BMERB1: variants seen among roughly 807,000 people sequenced by gnomAD.
BMERB1 encodes bMERB domain containing 1.
BMERB1 carries 12 observed loss-of-function variants against 23.6 expected under a neutral mutation model. The observed-to-expected ratio is 0.51, with a 90% CI of 0.33 to 0.82. BMERB1 has a LOEUF of 0.82. Among genes scored for constraint, BMERB1 ranks in the 40% least tolerant of loss-of-function variants. BMERB1 has a pLI of 0.03. For synonymous variants in BMERB1, 122 were observed against 96.6 expected (o/e 1.26, Z -1.54); for missense variants, 247 against 255.4 (o/e 0.97, Z 0.22).
intron 2 of BMERB1, among the ~76,000 whole-genome samples, chr16:15,548,266 T>C (rs2150965171): frequency 6.6e-6 from 1 of 152,316 alleles, no homozygotes; most frequent in African/African-American, 2.4e-5. Context: ...ATTACAGGTG[T>C]AAGCCACTGC....
intron 5 of BMERB1, chr16:15,584,020 G>A (rs1596405668): frequency 4.3e-6 from 3 of 702,314 alleles, no homozygotes; most frequent in Admixed American, 4.0e-5. Context: ...TGGAATCTCT[G>A]GAGAAGCCAG....
rs573543185 is a variant in BMERB1 at position 15,578,061 on chromosome 16, TG to T, written c.305-3149del. 7.9e-5 allele frequency among the ~76,000 whole-genome samples: 12 copies of T among 152,302 alleles called. No individual in the cohort carries two copies. In the East Asian group the frequency reaches 2.3e-3, roughly 29 times the overall value. ...CACCTGATGGTTGCCTGGCATTCCT[TG>T]GGGGGGAAATCCCCTCTCCTTTCTT... On this transcript the variant is annotated intron_variant, in intron 3 of 5. Coordinates refer to ENST00000300006, the MANE Select transcript of BMERB1 (RefSeq NM_033201.3).
At chr16:15,533,914 G>A (rs990974676) in intron 2 of BMERB1, among the ~76,000 whole-genome samples, 2 of 151,946 alleles carry the variant, frequency 1.3e-5, no homozygotes, top group African/African-American at 2.4e-5. Flanking sequence ...TGTTGCCACC[G>A]CCTAGGGAAA....
chr16:15,530,609 G>A (rs73499144), intron 2 of BMERB1, among the ~76,000 whole-genome samples: 7,119 of 152,032 alleles, frequency 0.047, 532 homozygotes, highest in African/African-American at 0.15. Flanking sequence ...GACATAGTTC[G>A]GCTGTGTCCC....
chr16:15,460,304 G>A (rs984132326), intron 1 of BMERB1, among the ~76,000 whole-genome samples: 2 of 152,114 alleles, frequency 1.3e-5, no homozygotes, highest in African/African-American at 4.8e-5. Context: ...GGGTACGTAG[G>A]TAGGGACTCG....
chr16:15,537,003 C>T (rs1030614892), intron 2 of BMERB1: 33 of 152,320 alleles, frequency 2.2e-4, no homozygotes, highest in African/African-American at 7.9e-4. Flanking sequence ...TCTCTCTCCC[C>T]TGTAGCCTAG....
chr16:15,439,485 C>T (rs1341153385), intron 1 of BMERB1, among the ~76,000 whole-genome samples: 3 of 152,220 alleles, frequency 2.0e-5, no homozygotes, highest in Non-Finnish European at 2.9e-5. Flanking sequence ...TTATCCCAAA[C>T]TCACCAGTTA....
At chr16:15,560,364 G>A (rs932551012) in intron 2 of BMERB1, among the ~76,000 whole-genome samples, 3 of 152,234 alleles carry the variant, frequency 2.0e-5, no homozygotes, top group African/African-American at 7.2e-5. Flanking sequence ...AACCCTCGGA[G>A]TAGAAGTGGC....
intron 1 of BMERB1, among the ~76,000 whole-genome samples, chr16:15,447,010 C>A (rs1388458161): frequency 6.6e-6 from 1 of 152,192 alleles, no homozygotes; most frequent in African/African-American, 2.4e-5. Flanking sequence ...AGCAGGAGCT[C>A]TGCCTGCATT....
chr16:15,468,126 TTTC>T (rs368345535), intron 1 of BMERB1, among the ~76,000 whole-genome samples: 3 of 98,654 alleles, frequency 3.0e-5, no homozygotes, highest in East Asian at 5.6e-4. Flanking sequence ...TCTTTCTTTC[TTTC>T]TTCTTCTTTT....
At chr16:15,456,005 T>G (rs1193028861) in intron 1 of BMERB1, among the ~76,000 whole-genome samples, 1 of 152,200 alleles carries the variant, frequency 6.6e-6, no homozygotes, top group Non-Finnish European at 1.5e-5. Flanking sequence ...TGAAGTAATT[T>G]GGTGGTATTC....
At chr16:15,440,211 T>A (rs2050927678) in intron 1 of BMERB1, among the ~76,000 whole-genome samples, 1 of 135,808 alleles carries the variant, frequency 7.4e-6, no homozygotes, top group Admixed American at 8.3e-5. Context: ...GACGGCTGCA[T>A]TCCAGCCTGG....
At chr16:15,579,246 G>T (rs1037318910) in intron 3 of BMERB1, among the ~76,000 whole-genome samples, 10 of 152,172 alleles carry the variant, frequency 6.6e-5, no homozygotes, top group African/African-American at 2.4e-4. Context: ...GTCCTGGTGA[G>T]TCGATGGGTG....
At chr16:15,438,420 C>G (rs766348182) in intron 1 of BMERB1, among the ~76,000 whole-genome samples, 3 of 150,532 alleles carry the variant, frequency 2.0e-5, no homozygotes, top group Non-Finnish European at 4.4e-5. Flanking sequence ...GATCCAGAGT[C>G]TAACTTTTGA....
intron 1 of BMERB1, among the ~76,000 whole-genome samples, chr16:15,500,793 A>C (rs2051519843): frequency 6.6e-6 from 1 of 152,142 alleles, no homozygotes; most frequent in Admixed American, 6.5e-5. Flanking sequence ...CTGGGATGAC[A>C]GGCACGTGCC....
At chr16:15,441,814 G>A (rs1025566143) in intron 1 of BMERB1, among the ~76,000 whole-genome samples, 3 of 152,134 alleles carry the variant, frequency 2.0e-5, no homozygotes, top group East Asian at 1.9e-4. Flanking sequence ...GAGCCACTGC[G>A]CCCAGCCTGG....
chr16:15,485,174 G>A (rs2051357365), intron 1 of BMERB1, among the ~76,000 whole-genome samples: 1 of 152,208 alleles, frequency 6.6e-6, no homozygotes, highest in South Asian at 2.1e-4. Flanking sequence ...ACCATGGTGG[G>A]GGAGAGGGGA....
intron 2 of BMERB1, among the ~76,000 whole-genome samples, chr16:15,552,171 G>A (rs1416833724): frequency 6.6e-6 from 1 of 152,090 alleles, no homozygotes; most frequent in Non-Finnish European, 1.5e-5. Context: ...TGGACGCGGT[G>A]GCTCACACCT....
intron 1 of BMERB1, among the ~76,000 whole-genome samples, chr16:15,509,271 T>C (rs1457035598): frequency 2.1e-5 from 3 of 141,006 alleles, no homozygotes; most frequent in Non-Finnish European, 4.5e-5. Flanking sequence ...ACAAATGCAT[T>C]CAGCCCTCAC....
Sources: allele counts gnomAD v4.1 joint callset (sites outside exome capture counted in the v4.1 genomes callset), GRCh38; gene constraint gnomAD v4.1.1; transcripts MANE v1.5; gene names NCBI Gene and HGNC (gene_info 2026-07-23, HGNC 2026-07-21).